Variants in KLHL32 observed in about 807,000 individuals in gnomAD.
The protein encoded by KLHL32 is kelch like family member 32.
Under a neutral mutation model 64.8 loss-of-function variants are expected in KLHL32, and 35 were observed. That is an observed-to-expected ratio of 0.54 (90% CI 0.41 to 0.72). KLHL32 has a LOEUF of 0.72. Ranked by LOEUF, KLHL32 falls within the 30% of genes least tolerant of loss-of-function variation. The pLI is 0.00. For missense variants in KLHL32, 589 were observed against 768.5 expected (o/e 0.77, Z 2.76); for synonymous variants, 259 against 281.0 (o/e 0.92, Z 0.78).
At chr6:97,015,453 G>T (rs1781026920) in intron 3 of KLHL32, among the ~76,000 whole-genome samples, 1 of 152,210 alleles carries the variant, frequency 6.6e-6, no homozygotes, top group Non-Finnish European at 1.5e-5. Context: ...GTCTCAGATG[G>T]AAATGAGGAA....
At chr6:96,956,517 C>G (rs1773297779) in intron 1 of KLHL32, among the ~76,000 whole-genome samples, 1 of 152,162 alleles carries the variant, frequency 6.6e-6, no homozygotes, top group Non-Finnish European at 1.5e-5. Flanking sequence ...TGTTGTGCTT[C>G]TCATTTGGAA....
intron 6 of KLHL32, among the ~76,000 whole-genome samples, chr6:97,089,320 G>A (rs1793875225): frequency 6.6e-6 from 1 of 152,252 alleles, no homozygotes; most frequent in East Asian, 1.9e-4. Context: ...TAGGCATAGT[G>A]TTGGGAGCTA....
rs76144667 is a variant in KLHL32, at chr6:97,112,161, T to G, written c.628-1622T>G. On this transcript the variant is annotated intron_variant, in intron 6 of 10. Coordinates refer to ENST00000369261, the MANE Select transcript of KLHL32 (RefSeq NM_052904.4). ...GGGCCCTCAGTGGGGACCCATCTTC[T>G]TCTGCCCAGAATTTCCTGCCTCCTG... Among the ~76,000 whole-genome samples, 1,326 of 152,282 alleles carry G rather than the reference T, an allele frequency of 8.7e-3. 16 individuals are homozygous for G. The highest frequency in any genetic ancestry group is 0.029 in the African/African-American group (1,204 of 41,574).
intron 3 of KLHL32, among the ~76,000 whole-genome samples, chr6:96,987,901 T>C (rs546726844): frequency 1.6e-4 from 24 of 152,356 alleles, no homozygotes; most frequent in African/African-American, 5.3e-4. Flanking sequence ...GCTAGCCATA[T>C]GTAGAAAGCT....
intron 3 of KLHL32, among the ~76,000 whole-genome samples, chr6:96,989,090 A>G (rs1188104345): frequency 6.6e-6 from 1 of 152,188 alleles, no homozygotes; most frequent in Non-Finnish European, 1.5e-5. Context: ...TGTACCCTAA[A>G]ATTTAAAGTA....
intron 3 of KLHL32, among the ~76,000 whole-genome samples, chr6:96,987,983 C>G (rs1294224483): frequency 6.6e-6 from 1 of 152,150 alleles, no homozygotes; most frequent in Non-Finnish European, 1.5e-5. Context: ...CATGTTAGAC[C>G]TAAAACCATA....
At chr6:97,137,380 G>A (rs1035820702) in intron 10 of KLHL32, among the ~76,000 whole-genome samples, 1 of 151,950 alleles carries the variant, frequency 6.6e-6, no homozygotes, top group African/African-American at 2.4e-5. Flanking sequence ...GTAGTGACAG[G>A]GTATATTGTT....
chr6:97,022,015 C>T (rs903131627), intron 3 of KLHL32, among the ~76,000 whole-genome samples: 3 of 150,872 alleles, frequency 2.0e-5, no homozygotes, highest in Non-Finnish European at 4.4e-5. Context: ...AGTACTACCA[C>T]CCTGGTCTAA....
chr6:97,135,777 A>T (rs977351360), intron 10 of KLHL32, among the ~76,000 whole-genome samples: 1 of 152,116 alleles, frequency 6.6e-6, no homozygotes, highest in African/African-American at 2.4e-5. Flanking sequence ...CTAAAGCTCC[A>T]TTTTTTTATG....
At chr6:96,973,547 A>G (rs1437060071) in intron 2 of KLHL32, among the ~76,000 whole-genome samples, 2 of 152,182 alleles carry the variant, frequency 1.3e-5, no homozygotes, top group African/African-American at 2.4e-5. Context: ...CAGTCACAGT[A>G]TGAAGATAAA....
intron 1 of KLHL32, among the ~76,000 whole-genome samples, chr6:96,945,552 A>G (rs545941666): frequency 3.0e-4 from 46 of 152,352 alleles, no homozygotes; most frequent in African/African-American, 1.1e-3. Flanking sequence ...CTCAGACTCA[A>G]GACCAAGTCC....
intron 6 of KLHL32, among the ~76,000 whole-genome samples, chr6:97,100,115 C>A (rs1185194912): frequency 6.6e-6 from 1 of 151,828 alleles, no homozygotes; most frequent in Non-Finnish European, 1.5e-5. Flanking sequence ...GTACTCCAGC[C>A]TAGGTGACAG....
chr6:97,138,375 C>T (rs1470532804), intron 10 of KLHL32, among the ~76,000 whole-genome samples: 1 of 152,016 alleles, frequency 6.6e-6, no homozygotes, highest in African/African-American at 2.4e-5. Flanking sequence ...CCCATCACTA[C>T]AGAAAATTTA....
chr6:96,942,288 C>T (rs4839884), intron 1 of KLHL32, among the ~76,000 whole-genome samples: 1 of 152,192 alleles, frequency 6.6e-6, no homozygotes, highest in Non-Finnish European at 1.5e-5. Flanking sequence ...TCCTTTCCAG[C>T]TACTGCTGCC....
At chr6:96,953,106 T>G (rs1213994919) in intron 1 of KLHL32, among the ~76,000 whole-genome samples, 9 of 152,318 alleles carry the variant, frequency 5.9e-5, no homozygotes, top group Non-Finnish European at 1.2e-4. Context: ...AAACTCTTTC[T>G]CTACCACAAG....
At chr6:97,091,780 T>C (rs139618814) in intron 6 of KLHL32, among the ~76,000 whole-genome samples, 2 of 152,290 alleles carry the variant, frequency 1.3e-5, no homozygotes, top group Non-Finnish European at 2.9e-5. Flanking sequence ...CAAACCTTTG[T>C]CAATCCATGT....
At chr6:97,055,830 T>TTATTTCTA (rs1049695308) in intron 4 of KLHL32, among the ~76,000 whole-genome samples, 1 of 110,382 alleles carries the variant, frequency 9.1e-6, no homozygotes, top group African/African-American at 3.3e-5. Flanking sequence ...AAACCCCTTC[T>TTATTTCTA]TATTTCTATA....
At chr6:97,044,236 CT>C (rs1308897748) in intron 4 of KLHL32, among the ~76,000 whole-genome samples, 1 of 152,010 alleles carries the variant, frequency 6.6e-6, no homozygotes, top group Non-Finnish European at 1.5e-5. Flanking sequence ...TTTTCTGAAT[CT>C]ATTCAGATGA....
chr6:96,990,132 C>G (rs763863064), intron 3 of KLHL32, among the ~76,000 whole-genome samples: 2 of 152,198 alleles, frequency 1.3e-5, no homozygotes, highest in Non-Finnish European at 2.9e-5. Context: ...TGCTGGGGAA[C>G]TAGTGCAGTT....
Sources: gnomAD v4.1 joint callset for allele counts (sites outside exome capture counted in the v4.1 genomes callset) on GRCh38, gnomAD v4.1.1 for gene constraint, MANE v1.5 for transcripts, NCBI Gene and HGNC (gene_info 2026-07-23, HGNC 2026-07-21) for gene names.